The following SEMA3F variants were observed in gnomAD, a reference collection of about 807,000 sequenced individuals.
SEMA3F encodes the protein semaphorin 3F, also known as semaphorin-3F.
In SEMA3F, 30 loss-of-function variants were observed where a neutral mutation model predicts 98.5. The observed-to-expected ratio is 0.30, with a 90% confidence interval of 0.23 to 0.41. SEMA3F has a LOEUF of 0.41. SEMA3F is among the 10% of genes least tolerant of loss of function. SEMA3F has a pLI of 1.00. For synonymous variants in SEMA3F, 380 were observed against 444.8 expected (o/e 0.85, Z 1.83); for missense variants, 866 against 1,119.3 (o/e 0.77, Z 3.23).
intron 13 of SEMA3F, among the ~76,000 whole-genome samples, chr3:50,185,023 C>T (rs1459783513): frequency 6.6e-6 from 1 of 152,244 alleles, no homozygotes; most frequent in East Asian, 1.9e-4. Flanking sequence ...CCCCAGGGGC[C>T]CAGGAGAACA....
In SEMA3F at chr3:50,185,721, G is replaced by T. The variant is rs778862088; in HGVS notation, c.1587+14G>T. 2 of 1,614,126 alleles carry T rather than the reference G, an allele frequency of 1.2e-6. No homozygotes were observed. Among genetic ancestry groups the T allele is most frequent in the Non-Finnish European group, 1.7e-6 (2 of 1,179,966 alleles). On this transcript the variant is annotated intron_variant, in intron 15 of 18. Transcript: ENST00000002829. ...TCTTCTAAGAGGGTAAGCCTTTGGC[G>T]AGGTGAGCCAAGGTTGGGGACAGGG...
chr3:50,156,012 C>G lies in SEMA3F; in HGVS notation c.-49+448C>G, dbSNP rs946548322. 2 of 152,230 alleles carry G rather than the reference C, an allele frequency of 1.3e-5. No individual in the cohort carries two copies. Among genetic ancestry groups the G allele is most frequent in the Admixed American group, 1.3e-4 (2 of 15,284 alleles). 9.4% of individuals were successfully genotyped at this position (152,230 alleles called of 1,614,324 possible). A position where few individuals can be genotyped will look rare whatever the true frequency, so the allele number is the denominator to read the frequency against. On this transcript the variant is annotated intron_variant, in intron 1 of 18. Transcript: ENST00000002829. This position sits in a 1 kb window ranked among gnomAD's most constrained non-coding sequence, Gnocchi z 4.5. ...GAGGACTGGCCAGCCCGAAGGGAAG[C>G]GGTATACTGGCAGTCCCCACGTGGG... is the stretch of plus-strand genomic sequence containing the variant.
chr3:50,158,104 C>T lies in SEMA3F; in HGVS notation c.-48-1471C>T, dbSNP rs1053195883. Among the ~76,000 whole-genome samples the T allele has an allele frequency of 9.9e-5, 15 of 152,176 alleles. No individual in the cohort carries two copies. Among genetic ancestry groups the T allele is most frequent in the African/African-American group, 3.6e-4 (15 of 41,442 alleles). On this transcript the variant is annotated intron_variant, in intron 1 of 18. Coordinates refer to ENST00000002829, the MANE Select transcript of SEMA3F (RefSeq NM_004186.5). The surrounding 1 kb of genome is among the most constrained non-coding windows in gnomAD (Gnocchi z 4.8). ...CCTCCCAGGTGCACCTTGAGGGTGACGGTGGCTGCACAGCCATTTCTCCCA... is the reference window on the plus strand; with the variant it reads ...CCTCCCAGGTGCACCTTGAGGGTGATGGTGGCTGCACAGCCATTTCTCCCA...
At position 50,159,793 on chromosome 3, in the gene SEMA3F, T is replaced by G. The variant is rs1364166158; in HGVS notation, c.112+59T>G. The G allele has an allele frequency of 2.6e-6, 3 of 1,134,134 alleles. No homozygotes were observed. In the South Asian group the frequency reaches 3.8e-5, roughly 14 times the overall value. The allele number at this position is 1,134,134 out of a possible 1,614,324, so 70.3% of individuals were successfully genotyped here. A position where few individuals can be genotyped will look rare whatever the true frequency, so the allele number is the denominator to read the frequency against. Reference sequence around the variant, plus strand: ...TCCTCTCTTTACAATAGCGCTCGGCTCCTCTGCACACGAGAGAAAGGGTGG... The same window carrying G: ...TCCTCTCTTTACAATAGCGCTCGGCGCCTCTGCACACGAGAGAAAGGGTGG... On this transcript the variant is annotated intron_variant, in intron 2 of 18. Transcript: ENST00000002829.
At chr3:50,183,136 A>C (rs761048632) in intron 10 of SEMA3F, 50 bp from the exon 11 acceptor site, 1 of 1,594,528 alleles carries the variant, frequency 6.3e-7, no homozygotes, top group Non-Finnish European at 8.6e-7. Context: ...GGTGGGGCCC[A>C]GGGGCTCCCG....
At position 50,188,199 on chromosome 3, in the gene SEMA3F, A is replaced by AT. The variant is rs1699310073; in HGVS notation, c.*84_*85insT. The AT allele has an allele frequency of 9.5e-5, 43 of 452,802 alleles. No homozygotes were observed. Among genetic ancestry groups the AT allele is most frequent in the East Asian group, 4.6e-4 (9 of 19,618 alleles). 28.0% of individuals were successfully genotyped at this position (452,802 alleles called of 1,614,324 possible). A position where few individuals can be genotyped will look rare whatever the true frequency, so the allele number is the denominator to read the frequency against. On this transcript the variant is annotated 3_prime_UTR_variant, in exon 19 of 19. Transcript: ENST00000002829. The surrounding 1 kb of genome is among the most constrained non-coding windows in gnomAD (Gnocchi z 4.5). ...GATATATATATATATATATATATAT[A>AT]AAATATCTATATTCTATACACACCC...
rs368261168 is a variant in SEMA3F, at chr3:50,176,896, T to C, written c.643+35T>C. Reference sequence around the variant, plus strand: ...CCCCAACCCCGCTCTACAGTCTCAATGTGTGGCCTCTGCCCCTGGAGATGG... The same window carrying C: ...CCCCAACCCCGCTCTACAGTCTCAACGTGTGGCCTCTGCCCCTGGAGATGG... On this transcript the variant is annotated intron_variant, in intron 7 of 18. Transcript: ENST00000002829. The C allele has an allele frequency of 6.5e-6, 10 of 1,528,146 alleles. No homozygotes were observed. In the African/African-American group the frequency reaches 1.4e-4, roughly 21 times the overall value. 94.7% of individuals were successfully genotyped at this position (1,528,146 alleles called of 1,614,324 possible). A position where few individuals can be genotyped will look rare whatever the true frequency, so the allele number is the denominator to read the frequency against.
chr3:50,182,530 T>A lies in SEMA3F; in HGVS notation c.764-114T>A. The A allele has an allele frequency of 3.2e-6, 5 of 1,573,132 alleles. No homozygotes were observed. Among genetic ancestry groups the A allele is most frequent in the Non-Finnish European group, 4.3e-6 (5 of 1,153,040 alleles). ...ATGACTACCTGGGGCAGGGGTAGTTTCTTATCTGGAGAGGAGTTGGGGGTG... is the reference window on the plus strand; with the variant it reads ...ATGACTACCTGGGGCAGGGGTAGTTACTTATCTGGAGAGGAGTTGGGGGTG... On this transcript the variant is annotated intron_variant, in intron 8 of 18. Coordinates refer to ENST00000002829, the MANE Select transcript of SEMA3F (RefSeq NM_004186.5). The surrounding 1 kb of genome is among the most constrained non-coding windows in gnomAD (Gnocchi z 4.5).
At chr3:50,185,301 T>C in intron 13 of SEMA3F, 142 bp from the exon 14 acceptor site, 1 of 763,026 alleles carries the variant, frequency 1.3e-6, no homozygotes, top group Non-Finnish European at 2.1e-6. Flanking sequence ...CCCTTTGACC[T>C]GGGGAAACTC....
upstream of SEMA3F, chr3:50,155,099 G>T (rs764792471): frequency 1.7e-5 from 7 of 410,976 alleles, no homozygotes; most frequent in Non-Finnish European, 2.7e-5. This position sits in a 1 kb window ranked among gnomAD's most constrained non-coding sequence, Gnocchi z 4.9. Context: ...CAGAGCGAGC[G>T]AACGAACCGC....
At chr3:50,172,830 C>T (rs923407273) in intron 2 of SEMA3F, among the ~76,000 whole-genome samples, 10 of 152,180 alleles carry the variant, frequency 6.6e-5, no homozygotes, top group Non-Finnish European at 2.9e-5. Context: ...AAGAACAGGG[C>T]ATCCAGGCTC....
At chr3:50,173,748 T>G (rs777198413) in intron 2 of SEMA3F, 45 bp from the exon 3 acceptor site, 1 of 1,581,658 alleles carries the variant, frequency 6.3e-7, no homozygotes, top group East Asian at 2.3e-5. Flanking sequence ...TATGGCTGGA[T>G]GGTTTCCTGA....
At chr3:50,172,891 T>C (rs1374795820) in intron 2 of SEMA3F, among the ~76,000 whole-genome samples, 1 of 152,190 alleles carries the variant, frequency 6.6e-6, no homozygotes, top group East Asian at 1.9e-4. Flanking sequence ...CACCCCTATC[T>C]GCTCATTAAC....
At chr3:50,168,660 G>GGCCAGCCCAGTCCCCAGGCC (rs1208544142) in intron 2 of SEMA3F, among the ~76,000 whole-genome samples, 2 of 152,166 alleles carry the variant, frequency 1.3e-5, no homozygotes, top group Non-Finnish European at 2.9e-5. Flanking sequence ...AGAGCCAGGG[G>GGCCAGCCCAGTCCCCAGGCC]GCCAGCCCAG....
intron 2 of SEMA3F, 105 bp from the exon 3 acceptor site, chr3:50,173,688 G>T (rs1698697680): frequency 2.3e-6 from 2 of 878,686 alleles, no homozygotes; most frequent in Non-Finnish European, 3.6e-6. Flanking sequence ...TCTGTGGTGG[G>T]GGTCCTGAGG....
chr3:50,163,112 G>T (rs143590961), intron 2 of SEMA3F, among the ~76,000 whole-genome samples: 13 of 152,324 alleles, frequency 8.5e-5, no homozygotes, highest in African/African-American at 2.9e-4. Context: ...GGCAGGGATG[G>T]TGGTGGTGCT....
At position 50,156,284 on chromosome 3, in the gene SEMA3F, C is replaced by A. The variant is rs1697978736; in HGVS notation, c.-49+720C>A. 6.6e-6 allele frequency among the ~76,000 whole-genome samples: 1 copy of A among 152,184 alleles called. No homozygotes were observed. The highest frequency in any genetic ancestry group is 6.5e-5 in the Admixed American group (1 of 15,284). ...GACAGCGGGGGCTTGGCGGGGTTGC[C>A]CCCAGCAGATGGGACAGGAGGGTAT... is the stretch of plus-strand genomic sequence containing the variant. On this transcript the variant is annotated intron_variant, in intron 1 of 18. Coordinates refer to ENST00000002829, the MANE Select transcript of SEMA3F (RefSeq NM_004186.5). The surrounding 1 kb of genome is among the most constrained non-coding windows in gnomAD (Gnocchi z 4.5).
intron 2 of SEMA3F, among the ~76,000 whole-genome samples, chr3:50,172,992 C>A (rs1454548430): frequency 6.6e-6 from 1 of 152,212 alleles, no homozygotes; most frequent in Non-Finnish European, 1.5e-5. Flanking sequence ...CTGTTGCGTA[C>A]CCTGGCCCGC....
rs1205348833 is a variant in SEMA3F at position 50,173,970 on chromosome 3, A to G, written c.273+17A>G. 1.2e-6 allele frequency: 2 copies of G among 1,613,872 alleles called. No homozygotes were observed. The highest frequency in any genetic ancestry group is 1.3e-5 in the African/African-American group (1 of 74,944). ...CCCCTCATTGTAAGGGCTGGCCCTG[A>G]TGTGGGACGTGGGGTGGGCACGGAG... On this transcript the variant is annotated intron_variant, in intron 3 of 18. Coordinates refer to ENST00000002829, the MANE Select transcript of SEMA3F (RefSeq NM_004186.5).
Sources: allele counts gnomAD v4.1 joint callset (sites outside exome capture counted in the v4.1 genomes callset), GRCh38; gene constraint gnomAD v4.1.1; non-coding constraint Gnocchi (gnomAD v3.1); transcripts MANE v1.5; gene names NCBI Gene and HGNC (gene_info 2026-07-23, HGNC 2026-07-21).